CDC42BPA: variants seen among roughly 807,000 people sequenced by gnomAD.
CDC42BPA encodes the protein CDC42 binding protein kinase alpha.
A neutral mutation model predicts 223.5 loss-of-function variants in CDC42BPA; 80 were observed. That is an observed-to-expected ratio of 0.36 (90% CI 0.30 to 0.43). CDC42BPA has a LOEUF of 0.43. CDC42BPA is among the 20% of genes least tolerant of loss of function. The pLI is 1.00. For synonymous variants in CDC42BPA, 694 were observed against 718.6 expected, an observed-to-expected ratio of 0.97 and a Z score of 0.55; for missense variants, 1,743 against 2,099.9, an observed-to-expected ratio of 0.83 and a Z score of 3.32.
At chr1:227,129,559 C>T (rs1054599797) in intron 10 of CDC42BPA, among the ~76,000 whole-genome samples, 1 of 148,330 alleles carries the variant, frequency 6.7e-6, no homozygotes, top group African/African-American at 2.5e-5. Flanking sequence ...TCCCGCTACT[C>T]AGGAGGCTCA....
chr1:226,992,519 C>A lies in CDC42BPA; in HGVS notation c.*1749G>T. ...CACATGCCGCAGGCCAGCATGGTGG[C>A]CACCTCAGTGACACGCAGGTCACCT... On this transcript the variant is annotated 3_prime_UTR_variant, in exon 37 of 37. Transcript: ENST00000366766. 1 of 152,510 alleles carries A rather than the reference C, an allele frequency of 6.6e-6. No individual in the cohort carries two copies. The highest frequency in any genetic ancestry group is 1.5e-5 in the Non-Finnish European group (1 of 68,078). The allele number at this position is 152,510 out of a possible 1,614,324, so 9.4% of individuals were successfully genotyped here.
intron 1 of CDC42BPA, among the ~76,000 whole-genome samples, chr1:227,285,729 G>C (rs1044974138): frequency 2.0e-5 from 3 of 152,104 alleles, no homozygotes; most frequent in African/African-American, 7.2e-5. Flanking sequence ...ATCTCCACCT[G>C]TTTCTCTGTC....
chr1:227,261,523 G>T (rs1684066696), intron 1 of CDC42BPA, among the ~76,000 whole-genome samples: 1 of 145,192 alleles, frequency 6.9e-6, no homozygotes, highest in African/African-American at 2.9e-5. Flanking sequence ...ACATAGAAAT[G>T]CTAAATAAAA....
intron 1 of CDC42BPA, among the ~76,000 whole-genome samples, chr1:227,268,649 T>C (rs1453999737): frequency 6.8e-6 from 1 of 147,318 alleles, no homozygotes; most frequent in Non-Finnish European, 1.5e-5. Context: ...ATATAGTGTG[T>C]GTGTATATAT....
intron 2 of CDC42BPA, among the ~76,000 whole-genome samples, chr1:227,228,190 G>A (rs1273422961): frequency 6.6e-6 from 1 of 152,184 alleles, no homozygotes; most frequent in Admixed American, 6.5e-5. Flanking sequence ...TAATCACCTA[G>A]GTGATGGGTT....
At chr1:227,147,843 A>G (rs987020507) in intron 6 of CDC42BPA, among the ~76,000 whole-genome samples, 22 of 152,150 alleles carry the variant, frequency 1.4e-4, no homozygotes, top group African/African-American at 4.6e-4. Context: ...AACAAACTGA[A>G]TATTTGGTTT....
intron 1 of CDC42BPA, among the ~76,000 whole-genome samples, chr1:227,302,270 T>A (rs941826837): frequency 6.6e-6 from 1 of 152,214 alleles, no homozygotes; most frequent in Non-Finnish European, 1.5e-5. Flanking sequence ...CTGGTTTTAG[T>A]AGAAGTCCCA....
chr1:227,221,819 T>C (rs1387688689), intron 2 of CDC42BPA, among the ~76,000 whole-genome samples: 1 of 151,780 alleles, frequency 6.6e-6, no homozygotes, highest in Non-Finnish European at 1.5e-5. Context: ...ATCCCTCTTC[T>C]CTAGGTCACA....
chr1:227,155,188 T>C (rs1234199313), intron 6 of CDC42BPA, among the ~76,000 whole-genome samples: 9 of 152,284 alleles, frequency 5.9e-5, no homozygotes, highest in African/African-American at 2.2e-4. Context: ...TAAAACATTC[T>C]AAAAGCTTCC....
intron 5 of CDC42BPA, among the ~76,000 whole-genome samples, chr1:227,188,692 C>T (rs1572228365): frequency 6.6e-6 from 1 of 151,918 alleles, no homozygotes; most frequent in African/African-American, 2.4e-5. Context: ...CAGGGGTTAG[C>T]GGGAAGGGAG....
chr1:227,029,527 G>T (rs1668858262), intron 29 of CDC42BPA, among the ~76,000 whole-genome samples: 1 of 152,068 alleles, frequency 6.6e-6, no homozygotes, highest in Admixed American at 6.5e-5. Flanking sequence ...CTTTTCTACT[G>T]GCACTAAATT....
intron 21 of CDC42BPA, among the ~76,000 whole-genome samples, chr1:227,067,834 T>TA (rs1677426025): frequency 6.6e-6 from 1 of 152,190 alleles, no homozygotes; most frequent in Non-Finnish European, 1.5e-5. Context: ...TCTCCCGATT[T>TA]AAAAAACAAT....
chr1:227,067,817 T>C (rs1294359111), intron 21 of CDC42BPA, among the ~76,000 whole-genome samples: 2 of 152,108 alleles, frequency 1.3e-5, no homozygotes, highest in African/African-American at 4.8e-5. Flanking sequence ...AATAAAACAT[T>C]AAAAAATCTC....
chr1:227,000,747 T>A (rs954040424), intron 35 of CDC42BPA, among the ~76,000 whole-genome samples: 5 of 152,144 alleles, frequency 3.3e-5, no homozygotes, highest in Non-Finnish European at 7.3e-5. Flanking sequence ...TCCAGTATGT[T>A]TTTTTCACTT....
chr1:227,254,207 T>C (rs767502350), intron 1 of CDC42BPA, 52 bp from the exon 2 acceptor site: 20 of 928,630 alleles, frequency 2.2e-5, no homozygotes, highest in Non-Finnish European at 3.2e-5. Context: ...GTGATGCAAA[T>C]TAGATATAAA....
chr1:227,106,463 C>CT (rs937136416), intron 14 of CDC42BPA, among the ~76,000 whole-genome samples: 2 of 152,012 alleles, frequency 1.3e-5, no homozygotes, highest in South Asian at 2.1e-4. Context: ...CCAATTTATA[C>CT]TTTTTTTGTT....
At chr1:227,221,264 C>G (rs2150448608) in intron 2 of CDC42BPA, among the ~76,000 whole-genome samples, 1 of 152,174 alleles carries the variant, frequency 6.6e-6, no homozygotes, top group African/African-American at 2.4e-5. Flanking sequence ...TTTACATCTC[C>G]TCTCCTTCCT....
At chr1:227,119,706 T>C in intron 12 of CDC42BPA, 98 bp downstream of exon 12, 1 of 765,576 alleles carries the variant, frequency 1.3e-6, no homozygotes, top group Non-Finnish European at 1.9e-6. Flanking sequence ...TAAAATATAC[T>C]ATGTATTATT....
intron 21 of CDC42BPA, 41 bp from the exon 22 acceptor site, chr1:227,052,026 A>C: frequency 8.0e-7 from 1 of 1,246,038 alleles, no homozygotes; most frequent in Non-Finnish European, 1.1e-6. Flanking sequence ...CCAAAAAATC[A>C]CTTTTCAACA....
Sources: gnomAD v4.1 joint callset for allele counts (sites outside exome capture counted in the v4.1 genomes callset) on GRCh38, gnomAD v4.1.1 for gene constraint, MANE v1.5 for transcripts, NCBI Gene and HGNC (gene_info 2026-07-23, HGNC 2026-07-21) for gene names.